The following PPL variants were observed in gnomAD, a reference collection of about 807,000 sequenced individuals.
PPL encodes the protein periplakin.
In PPL, 198 loss-of-function variants were observed where a neutral mutation model predicts 194.4. The ratio of observed to expected loss-of-function variants is 1.02; its 90% CI spans 0.91 to 1.15. The LOEUF (loss-of-function observed/expected upper bound fraction) is 1.15. Ranked by LOEUF, PPL falls within the 50% of genes most tolerant of loss-of-function variation. The pLI is 0.00. For missense variants in PPL, 2,885 were observed against 2,294.8 expected, an observed-to-expected ratio of 1.26 and a Z score of -5.25; for synonymous variants, 1,220 against 972.4, an observed-to-expected ratio of 1.25 and a Z score of -4.74.
In PPL at chr16:4,893,507, C is replaced by T. The variant is rs149775769; in HGVS notation, c.1492+34G>A. ...GGTCCAGCCCCTCCTCCCCGGTACC[C>T]CCAGAGCCTCAGGCGAGTGGCCCTG... On this transcript the variant is annotated intron_variant, in intron 13 of 21. Coordinates refer to ENST00000345988, the MANE Select transcript of PPL (RefSeq NM_002705.5). 9.4e-3 allele frequency: 15,115 copies of T among 1,607,908 alleles called. 112 individuals carry two copies. Among genetic ancestry groups the T allele is most frequent in the Non-Finnish European group, 0.012 (13,644 of 1,177,202 alleles).
chr16:4,897,505 G>A (rs1160235406), intron 9 of PPL, among the ~76,000 whole-genome samples, 170 bp downstream of exon 9: 2 of 152,090 alleles, frequency 1.3e-5, no homozygotes, highest in African/African-American at 4.8e-5. Flanking sequence ...GCAAGCTTGG[G>A]ACATGTCTGC....
intron 7 of PPL, 48 bp downstream of exon 7, chr16:4,899,175 C>T: frequency 6.2e-7 from 1 of 1,613,460 alleles, no homozygotes; most frequent in Non-Finnish European, 8.5e-7. Flanking sequence ...GTCCCGTGCT[C>T]CTTCCAGGGC....
chr16:4,884,640 T>G lies in PPL; in HGVS notation c.4015A>C (p.Lys1339Gln), dbSNP rs1379748353. ...TTCACCCGCGAGAGCTCCTCCTCTT[T>G]CCGGGCGATCTGCTCTTCCTGGGAA... ...RASQEEQIAR[K>Q]EEELSRVKER... is the part of the protein sequence containing the mutation. The change falls in exon 22 of 22, where the codon AAA (lysine) becomes CAA (glutamine). Residue 1339 changes from lysine to glutamine, a missense_variant. Physicochemically the swap from Lys to Gln is moderately conservative, Grantham distance 53. Transcript: ENST00000345988. This position sits in a 1 kb window ranked among gnomAD's most constrained non-coding sequence, Gnocchi z 5.7. The G allele has an allele frequency of 6.2e-7, 1 of 1,614,024 alleles. No homozygotes were observed. The highest frequency in any genetic ancestry group is 2.2e-5 in the East Asian group (1 of 44,858).
At chr16:4,886,071 G>A (rs759417738) in intron 21 of PPL, 24 bp from the exon 22 acceptor site, 1 of 1,613,250 alleles carries the variant, frequency 6.2e-7, no homozygotes, top group Non-Finnish European at 8.5e-7. Context: ...GACAAGACAA[G>A]GTTAAAGCCA....
rs946430843 is a variant in PPL at position 4,893,193 on chromosome 16, T to G, written c.1650+20A>C. On this transcript the variant is annotated intron_variant, in intron 14 of 21. Coordinates refer to ENST00000345988, the MANE Select transcript of PPL (RefSeq NM_002705.5). ...TGCAGGGCTCCCCCGGCCCCACCTG[T>G]GCTCCTGACCCGCAGGTACCTTGAG... The G allele has an allele frequency of 5.2e-6, 8 of 1,526,448 alleles. No homozygotes were observed. The highest frequency in any genetic ancestry group is 2.3e-4 in the Middle Eastern group (1 of 4,354). 94.6% of individuals were successfully genotyped at this position (1,526,448 alleles called of 1,614,324 possible).
In PPL at chr16:4,935,517, C is replaced by T. The variant is rs578146550; in HGVS notation, c.62+1467G>A. 3.3e-5 allele frequency among the ~76,000 whole-genome samples: 5 copies of T among 152,216 alleles called. No individual in the cohort carries two copies. The South Asian group carries it at 1.0e-3, about 32-fold the overall frequency. ...TGGTTGGGTCTGAGTGCCAGCTGGACGCAGCCATGGAGGAGGGGTGTGCAG... is the reference window on the plus strand; with the variant it reads ...TGGTTGGGTCTGAGTGCCAGCTGGATGCAGCCATGGAGGAGGGGTGTGCAG... On this transcript the variant is annotated intron_variant, in intron 1 of 21. Coordinates refer to ENST00000345988, the MANE Select transcript of PPL (RefSeq NM_002705.5).
At chr16:4,917,710 G>A (rs780823446) in intron 1 of PPL, among the ~76,000 whole-genome samples, 2 of 152,006 alleles carry the variant, frequency 1.3e-5, no homozygotes, top group African/African-American at 2.4e-5. Context: ...AGAGCAGCCC[G>A]GGCAACATGG....
chr16:4,923,684 G>C (rs979026767), intron 1 of PPL, among the ~76,000 whole-genome samples: 1 of 151,982 alleles, frequency 6.6e-6, no homozygotes, highest in Non-Finnish European at 1.5e-5. Flanking sequence ...GTGTGGGCTC[G>C]GGCAGATTCC....
In PPL at chr16:4,889,241, GTTTTTTTTTTTTT is replaced by G. The variant is rs869094472; in HGVS notation, c.2314-193_2314-181del. ...AAAAGGCAGTTTTTTTGTTGTTGTTGTTTTTTTTTTTTTTTTTTTTTTTTTTTTTTTTTGAGAC... is the reference window on the plus strand; with the variant it reads ...AAAAGGCAGTTTTTTTGTTGTTGTTGTTTTTTTTTTTTTTTTTTTTGAGAC... On this transcript the variant is annotated intron_variant, in intron 18 of 21. Coordinates refer to ENST00000345988, the MANE Select transcript of PPL (RefSeq NM_002705.5). Among the ~76,000 whole-genome samples, 106 of 66,636 alleles carry G rather than the reference GTTTTTTTTTTTTT, an allele frequency of 1.6e-3. 8 individuals are homozygous for G. The highest frequency in any genetic ancestry group is 7.3e-3 in the African/African-American group (96 of 13,170). 43.7% of individuals were successfully genotyped at this position (66,636 alleles called of 152,430 possible).
chr16:4,886,078 G>A, intron 21 of PPL, 31 bp from the exon 22 acceptor site: 1 of 1,612,840 alleles, frequency 6.2e-7, no homozygotes, highest in African/African-American at 1.3e-5. Flanking sequence ...CAAGGTTAAA[G>A]CCAGGCTCTG....
At position 4,883,849 on chromosome 16, in the gene PPL, C is replaced by T. The variant is rs778246100; in HGVS notation, c.4806G>A (p.Ala1602=). The T allele has an allele frequency of 1.5e-5, 24 of 1,613,932 alleles. No individual in the cohort carries two copies. Among genetic ancestry groups the T allele is most frequent in the South Asian group, 1.3e-4 (12 of 91,092 alleles). Residue 1602 remains alanine, a synonymous_variant, in exon 22 of 22, where the codon GCG becomes GCA. Coordinates refer to ENST00000345988, the MANE Select transcript of PPL (RefSeq NM_002705.5). This position sits in a 1 kb window ranked among gnomAD's most constrained non-coding sequence, Gnocchi z 4.8. ...TGGAGTCATGGTTGGTCCCAGAGTC[C>T]GCCACGGTCATGTTCCGCAGGTCTC... ...ETRDLRNMTV[A]DSGTNHDSRL...
chr16:4,897,568 G>C (rs796523499), intron 9 of PPL, 107 bp downstream of exon 9: 4 of 829,072 alleles, frequency 4.8e-6, no homozygotes, highest in Non-Finnish European at 7.8e-6. Context: ...GCCCCGCAAG[G>C]CTCCTGGACC....
chr16:4,897,643 G>C (rs1462396883), intron 9 of PPL, 32 bp downstream of exon 9: 1 of 1,567,830 alleles, frequency 6.4e-7, no homozygotes, highest in Admixed American at 1.7e-5. Flanking sequence ...AGCACCCCCG[G>C]TGCTGGGGGG....
At chr16:4,899,475 C>CTGGCCTGAGGACAAGCCCAGCTCTGGG in intron 6 of PPL, 91 bp from the exon 7 acceptor site, 1 of 709,086 alleles carries the variant, frequency 1.4e-6, no homozygotes, top group Non-Finnish European at 2.3e-6. Flanking sequence ...CCAGCTATGG[C>CTGGCCTGAGGACAAGCCCAGCTCTGGG]TGGCCTGAGG....
At chr16:4,917,442 C>T (rs2088946508) in intron 1 of PPL, among the ~76,000 whole-genome samples, 1 of 152,102 alleles carries the variant, frequency 6.6e-6, no homozygotes, top group Admixed American at 6.5e-5. Context: ...AAGAAACGTC[C>T]AGAATGCAGA....
intron 1 of PPL, among the ~76,000 whole-genome samples, chr16:4,936,538 C>T (rs1221441934): frequency 2.6e-5 from 4 of 152,214 alleles, no homozygotes; most frequent in Admixed American, 2.6e-4. Flanking sequence ...CTCAGGGCGC[C>T]CCCTGGACGG....
intron 1 of PPL, among the ~76,000 whole-genome samples, chr16:4,931,371 T>G (rs2089223105): frequency 6.6e-6 from 1 of 151,812 alleles, no homozygotes; most frequent in African/African-American, 2.4e-5. Context: ...CTCTAAAGAA[T>G]AAAGAAAGAA....
chr16:4,914,197 T>A (rs995178316), intron 1 of PPL, among the ~76,000 whole-genome samples: 3 of 152,060 alleles, frequency 2.0e-5, no homozygotes, highest in African/African-American at 7.2e-5. Context: ...TTCTTGACCG[T>A]CAAGGCAGAG....
chr16:4,936,126 T>C (rs1165959425), intron 1 of PPL, among the ~76,000 whole-genome samples: 1 of 152,126 alleles, frequency 6.6e-6, no homozygotes, highest in African/African-American at 2.4e-5. Context: ...GGGCTGCTTC[T>C]CCCTGCAAAC....
Sources: gnomAD v4.1 joint callset for allele counts (sites outside exome capture counted in the v4.1 genomes callset) on GRCh38, gnomAD v4.1.1 for gene constraint, Gnocchi (gnomAD v3.1) non-coding constraint, MANE v1.5 for transcripts, NCBI Gene and HGNC (gene_info 2026-07-23, HGNC 2026-07-21) for gene names.